Variants in KIAA0825 observed in about 807,000 individuals in gnomAD.
KIAA0825 encodes uncharacterized protein KIAA0825.
A neutral mutation model predicts 147.6 loss-of-function variants in KIAA0825; 119 were observed. The observed-to-expected ratio is 0.81, with a 90% confidence interval of 0.69 to 0.94. KIAA0825 has a LOEUF of 0.94. Ranked by LOEUF, KIAA0825 falls within the 40% of genes least tolerant of loss-of-function variation. KIAA0825 has a pLI of 0.00. For synonymous variants in KIAA0825, 470 were observed against 518.1 expected (o/e 0.91, Z 1.26); for missense variants, 1,381 against 1,472.7 (o/e 0.94, Z 1.02).
At chr5:94,523,833 T>C in intron 4 of KIAA0825, 97 bp downstream of exon 4, 1 of 771,648 alleles carries the variant, frequency 1.3e-6, no homozygotes, top group East Asian at 2.9e-5. Context: ...GGCAGGCTAA[T>C]ATGGTCACTC....
intron 20 of KIAA0825, among the ~76,000 whole-genome samples, chr5:94,337,897 T>G (rs1781975385): frequency 3.3e-5 from 5 of 152,194 alleles, no homozygotes; most frequent in Admixed American, 3.3e-4. Flanking sequence ...TAATTAGATT[T>G]GTTCTTGCAG....
intron 20 of KIAA0825, among the ~76,000 whole-genome samples, chr5:94,189,474 A>G (rs1770463501): frequency 6.6e-6 from 1 of 152,154 alleles, no homozygotes; most frequent in Non-Finnish European, 1.5e-5. Context: ...ATAAAAGCTC[A>G]TATGTTTCCT....
chr5:94,498,437 G>A (rs1224434201), intron 5 of KIAA0825, among the ~76,000 whole-genome samples: 1 of 152,166 alleles, frequency 6.6e-6, no homozygotes, highest in Non-Finnish European at 1.5e-5. Flanking sequence ...ATCACATAGG[G>A]AGAAACCAAA....
intron 1 of KIAA0825, chr5:94,593,076 T>C (rs1784634771): frequency 2.8e-6 from 2 of 710,764 alleles, no homozygotes; most frequent in South Asian, 2.9e-5. Flanking sequence ...CTCTTCATAA[T>C]TTAGCTACAA....
At chr5:94,567,030 T>C (rs1778834664) in intron 2 of KIAA0825, among the ~76,000 whole-genome samples, 1 of 152,200 alleles carries the variant, frequency 6.6e-6, no homozygotes, top group African/African-American at 2.4e-5. Context: ...CAGTTTAACA[T>C]CATTCTGGAT....
At chr5:94,240,779 C>A (rs1423579204) in intron 20 of KIAA0825, among the ~76,000 whole-genome samples, 1 of 152,130 alleles carries the variant, frequency 6.6e-6, no homozygotes, top group Non-Finnish European at 1.5e-5. Context: ...CTTCGTGAGC[C>A]AAGAATGCAC....
intron 5 of KIAA0825, among the ~76,000 whole-genome samples, chr5:94,507,215 C>T (rs1345541175): frequency 1.3e-5 from 2 of 152,092 alleles, no homozygotes; most frequent in African/African-American, 2.4e-5. Flanking sequence ...TTTGGAAGGC[C>T]AAGGCAAGCA....
intron 20 of KIAA0825, among the ~76,000 whole-genome samples, chr5:94,306,770 G>A (rs1424372196): frequency 6.6e-6 from 1 of 151,740 alleles, no homozygotes; most frequent in African/African-American, 2.4e-5. Flanking sequence ...CCTCAAGTGT[G>A]GATGTTGCAG....
Position 94,585,613 on chromosome 5 carries a change from C to T in KIAA0825, c.-152-3030G>A, listed in dbSNP as rs145748354. 3.3e-3 allele frequency among the ~76,000 whole-genome samples: 498 copies of T among 152,236 alleles called. 3 individuals carry two copies. Among genetic ancestry groups the T allele is most frequent in the African/African-American group, 0.011 (464 of 41,544 alleles). On this transcript the variant is annotated intron_variant, in intron 1 of 20. Transcript: ENST00000682413. ...ATGGGAGACTTTAACACCCTGCTGTCAATATTAGACAGATCAACGAGATGG... is the reference window on the plus strand; with the variant it reads ...ATGGGAGACTTTAACACCCTGCTGTTAATATTAGACAGATCAACGAGATGG...
chr5:94,208,052 A>AGCAT (rs1772368680), intron 20 of KIAA0825, among the ~76,000 whole-genome samples: 1 of 152,214 alleles, frequency 6.6e-6, no homozygotes, highest in Non-Finnish European at 1.5e-5. Context: ...GGTTTAGAGT[A>AGCAT]GCATGCTGTA....
At chr5:94,253,672 A>G (rs996767705) in intron 20 of KIAA0825, among the ~76,000 whole-genome samples, 1 of 152,132 alleles carries the variant, frequency 6.6e-6, no homozygotes, top group African/African-American at 2.4e-5. Flanking sequence ...TAGAAAGGGA[A>G]TATTTCAACA....
At chr5:94,227,103 T>C (rs1214563825) in intron 20 of KIAA0825, among the ~76,000 whole-genome samples, 4 of 152,154 alleles carry the variant, frequency 2.6e-5, no homozygotes, top group Non-Finnish European at 4.4e-5. Flanking sequence ...CACACGTATG[T>C]TTATTGCTGC....
At chr5:94,431,377 C>A (rs926001704) in intron 14 of KIAA0825, among the ~76,000 whole-genome samples, 1 of 152,176 alleles carries the variant, frequency 6.6e-6, no homozygotes, top group Non-Finnish European at 1.5e-5. Flanking sequence ...TTTTTTAAAG[C>A]ATGTTCTATG....
At chr5:94,468,896 G>C (rs1225157919) in intron 10 of KIAA0825, among the ~76,000 whole-genome samples, 1 of 152,098 alleles carries the variant, frequency 6.6e-6, no homozygotes, top group African/African-American at 2.4e-5. Context: ...AATGAAACTA[G>C]GCATGGCTGT....
chr5:94,510,074 A>C (rs1766273229), intron 5 of KIAA0825, among the ~76,000 whole-genome samples: 1 of 152,202 alleles, frequency 6.6e-6, no homozygotes, highest in African/African-American at 2.4e-5. Context: ...AAAAATTTGG[A>C]GGCAATTTCT....
chr5:94,360,174 C>T (rs1744869216), intron 20 of KIAA0825, among the ~76,000 whole-genome samples: 1 of 152,046 alleles, frequency 6.6e-6, no homozygotes, highest in Non-Finnish European at 1.5e-5. Flanking sequence ...GGCATAGCCC[C>T]ACACAGGGAT....
In KIAA0825 at chr5:94,384,423, G is replaced by T. The variant is rs138900919; in HGVS notation, c.3655C>A (p.Leu1219Met). ...TKWNWNWAKL[L>M]PNYLRLDKMT... Reference sequence around the variant, plus strand: ...TTATCCAGTCTCAGATAATTTGGCAGCAACTTTGCCCAATTCCAGTTCCAT... The same window carrying T: ...TTATCCAGTCTCAGATAATTTGGCATCAACTTTGCCCAATTCCAGTTCCAT... The change falls in exon 20 of 21, where the codon CTG (leucine) becomes ATG (methionine). Residue 1219 changes from leucine (L) to methionine (M), a missense_variant. By Grantham distance (15) the Leu-to-Met change is conservative (BLOSUM62 2). Transcript: ENST00000682413. 3.3e-4 allele frequency: 512 copies of T among 1,551,882 alleles called. 1 individual carries two copies. In the African/African-American group the frequency reaches 6.5e-3, roughly 20 times the overall value.
chr5:94,209,422 A>G (rs1326517553), intron 20 of KIAA0825, among the ~76,000 whole-genome samples: 2 of 152,218 alleles, frequency 1.3e-5, no homozygotes, highest in Non-Finnish European at 1.5e-5. Context: ...GCAGGGTGAG[A>G]CATCAAATGC....
chr5:94,192,632 C>G (rs1583806731), intron 20 of KIAA0825, among the ~76,000 whole-genome samples: 1 of 152,056 alleles, frequency 6.6e-6, no homozygotes, highest in Admixed American at 6.6e-5. Flanking sequence ...TTTAACTACC[C>G]TTACCTGCGC....
Sources: allele counts gnomAD v4.1 joint callset (sites outside exome capture counted in the v4.1 genomes callset), GRCh38; gene constraint gnomAD v4.1.1; transcripts MANE v1.5; gene names NCBI Gene and HGNC (gene_info 2026-07-23, HGNC 2026-07-21).